The following PACSIN2 variants were observed in gnomAD, a reference collection of about 807,000 sequenced individuals.
PACSIN2 encodes the protein protein kinase C and casein kinase substrate in neurons protein 2.
Under a neutral mutation model 63.8 loss-of-function variants are expected in PACSIN2, and 25 were observed. The ratio of observed to expected loss-of-function variants is 0.39; its 90% confidence interval spans 0.29 to 0.55. The LOEUF is 0.55. Among genes scored for constraint, PACSIN2 ranks in the 20% least tolerant of loss-of-function variants. PACSIN2 has a pLI of 0.62. For missense variants in PACSIN2, 518 were observed against 646.9 expected, an observed-to-expected ratio of 0.80 and a Z score of 2.16; for synonymous variants, 255 against 256.2, an observed-to-expected ratio of 1.00 and a Z score of 0.05.
At chr22:42,933,137 T>C (rs1932816844) in intron 1 of PACSIN2, among the ~76,000 whole-genome samples, 1 of 152,250 alleles carries the variant, frequency 6.6e-6, no homozygotes, top group Non-Finnish European at 1.5e-5. Context: ...TTATTATCTT[T>C]ATGTGTCAGA....
In PACSIN2 at chr22:42,876,296, C is replaced by A. The variant is rs369451109; in HGVS notation, c.1189G>T (p.Asp397Tyr). The part of the protein sequence containing the change: ...SYEKTQSYPT[D>Y]WSDDESNNPF... Reference sequence around the variant, plus strand: ...TTGTTAGACTCATCGTCTGACCAGTCGGTGGGATAGCTCTGGGTCTTCTCG... The same window carrying A: ...TTGTTAGACTCATCGTCTGACCAGTAGGTGGGATAGCTCTGGGTCTTCTCG... Residue 397 changes from aspartate (D) to tyrosine (Y), a missense_variant, in exon 10 of 11, where the codon GAC becomes TAC. Physicochemically the swap from Asp to Tyr is radical, Grantham distance 160. Coordinates refer to ENST00000263246, the MANE Select transcript of PACSIN2 (RefSeq NM_001184970.3). 6.2e-7 allele frequency: 1 copy of A among 1,614,018 alleles called. No homozygotes were observed. The highest frequency in any genetic ancestry group is 1.7e-5 in the Admixed American group (1 of 60,004).
chr22:43,000,972 C>T (rs1923729850), intron 1 of PACSIN2, among the ~76,000 whole-genome samples: 1 of 152,194 alleles, frequency 6.6e-6, no homozygotes, highest in Non-Finnish European at 1.5e-5. Context: ...CCAACAAGCA[C>T]CCCAGGCCTA....
intron 1 of PACSIN2, among the ~76,000 whole-genome samples, chr22:42,942,801 G>C (rs1015698837): frequency 3.3e-5 from 5 of 152,186 alleles, no homozygotes; most frequent in Non-Finnish European, 4.4e-5. Context: ...ACTGTTTCTT[G>C]AATACTGTAG....
intron 2 of PACSIN2, among the ~76,000 whole-genome samples, chr22:42,906,974 T>A (rs1931117309): frequency 6.6e-6 from 1 of 152,226 alleles, no homozygotes; most frequent in South Asian, 2.1e-4. Context: ...GCCTAGGAAA[T>A]GCTGGAGAGC....
chr22:42,933,661 C>G (rs1932829164), intron 1 of PACSIN2, among the ~76,000 whole-genome samples: 1 of 152,202 alleles, frequency 6.6e-6, no homozygotes, highest in South Asian at 2.1e-4. Context: ...TCCACCCACT[C>G]AAACCCCAAC....
At chr22:42,995,412 A>G (rs1923329745) in intron 1 of PACSIN2, among the ~76,000 whole-genome samples, 1 of 152,200 alleles carries the variant, frequency 6.6e-6, no homozygotes, top group African/African-American at 2.4e-5. Context: ...GGACTGAGTC[A>G]GGATGACAAA....
chr22:42,996,304 T>C (rs1923398367), intron 1 of PACSIN2, among the ~76,000 whole-genome samples: 1 of 151,604 alleles, frequency 6.6e-6, no homozygotes, highest in Admixed American at 6.6e-5. Context: ...GAGGCCAAGA[T>C]GGGTGGATCA....
intron 1 of PACSIN2, among the ~76,000 whole-genome samples, chr22:42,942,799 T>C (rs1003951325): frequency 6.6e-6 from 1 of 152,264 alleles, no homozygotes; most frequent in Non-Finnish European, 1.5e-5. Flanking sequence ...ACACTGTTTC[T>C]TGAATACTGT....
At chr22:42,889,956 G>A (rs1929782158) in intron 4 of PACSIN2, among the ~76,000 whole-genome samples, 2 of 151,302 alleles carry the variant, frequency 1.3e-5, no homozygotes, top group Non-Finnish European at 2.9e-5. Flanking sequence ...TATTGAGAAA[G>A]TAAAGGAATA....
chr22:42,941,979 G>A (rs1397350238), intron 1 of PACSIN2, among the ~76,000 whole-genome samples: 1 of 152,060 alleles, frequency 6.6e-6, no homozygotes, highest in Non-Finnish European at 1.5e-5. Context: ...GTTTCACCAT[G>A]TTGGCCAGGC....
At chr22:42,929,172 C>A (rs1932716160) in intron 1 of PACSIN2, among the ~76,000 whole-genome samples, 1 of 152,238 alleles carries the variant, frequency 6.6e-6, no homozygotes, top group Admixed American at 6.5e-5. Context: ...AATGTCCGGG[C>A]TTGAGCTCAT....
intron 8 of PACSIN2, among the ~76,000 whole-genome samples, chr22:42,878,051 C>A (rs1242891748): frequency 6.6e-6 from 1 of 152,218 alleles, no homozygotes; most frequent in African/African-American, 2.4e-5. Flanking sequence ...GGCCACATGT[C>A]TGAGCTCACC....
intron 4 of PACSIN2, among the ~76,000 whole-genome samples, chr22:42,889,083 T>C (rs1363340986): frequency 6.6e-6 from 1 of 151,956 alleles, no homozygotes; most frequent in African/African-American, 2.4e-5. Flanking sequence ...AGATACAGTA[T>C]AGGAAAAGTT....
intron 2 of PACSIN2, among the ~76,000 whole-genome samples, chr22:42,906,217 CCTGA>C (rs904271849): frequency 6.6e-6 from 1 of 152,258 alleles, no homozygotes; most frequent in Non-Finnish European, 1.5e-5. Flanking sequence ...CAGGCATGAG[CCTGA>C]CTGACTGACC....
At chr22:42,962,183 CTTTTTTTT>C (rs3046541) in intron 1 of PACSIN2, among the ~76,000 whole-genome samples, 142 of 148,004 alleles carry the variant, frequency 9.6e-4, no homozygotes, top group Admixed American at 2.7e-3. Flanking sequence ...TACCAGAAAA[CTTTTTTTT>C]TTTTTGTCCC....
At chr22:42,918,968 T>TAG (rs1054130531) in intron 1 of PACSIN2, among the ~76,000 whole-genome samples, 13 of 152,306 alleles carry the variant, frequency 8.5e-5, no homozygotes, top group African/African-American at 2.9e-4. Flanking sequence ...CGAGGTCAGG[T>TAG]AGGGCATGTT....
chr22:43,014,178 C>G (rs1924689880), intron 1 of PACSIN2, among the ~76,000 whole-genome samples: 1 of 151,624 alleles, frequency 6.6e-6, no homozygotes, highest in African/African-American at 2.4e-5. Context: ...CTTGAAAGCC[C>G]TAGAGGAGTA....
At chr22:42,883,424 G>A (rs1406411717) in intron 6 of PACSIN2, among the ~76,000 whole-genome samples, 6 of 152,154 alleles carry the variant, frequency 3.9e-5, no homozygotes, top group Non-Finnish European at 5.9e-5. Context: ...GCCTTGACCC[G>A]TGACGCATCC....
At chr22:42,986,125 C>T (rs929071282) in intron 1 of PACSIN2, among the ~76,000 whole-genome samples, 7 of 152,166 alleles carry the variant, frequency 4.6e-5, no homozygotes, top group African/African-American at 1.4e-4. Flanking sequence ...AACACAGAAA[C>T]AGTAAGCATT....
Sources: gnomAD v4.1 joint callset for allele counts (sites outside exome capture counted in the v4.1 genomes callset) on GRCh38, gnomAD v4.1.1 for gene constraint, MANE v1.5 for transcripts, NCBI Gene and HGNC (gene_info 2026-07-23, HGNC 2026-07-21) for gene names.